The following EXOC4 variants were observed in gnomAD, a reference collection of about 807,000 sequenced individuals.
EXOC4 encodes the protein exocyst complex component 4.
EXOC4 carries 71 observed loss-of-function variants against 107.2 expected under a neutral mutation model. The observed-to-expected ratio is 0.66, with a 90% confidence interval of 0.55 to 0.81. The LOEUF is 0.81. EXOC4 is among the 30% of genes least tolerant of loss of function. The pLI is 0.00. For missense variants in EXOC4, 1,108 were observed against 1,189.6 expected (o/e 0.93, Z 1.01); for synonymous variants, 456 against 441.2 (o/e 1.03, Z -0.42).
intron 13 of EXOC4, among the ~76,000 whole-genome samples, chr7:133,923,900 A>C (rs1202550345): frequency 6.6e-6 from 1 of 152,198 alleles, no homozygotes. Flanking sequence ...ATCTGATATA[A>C]ATGATAAGCT....
At chr7:133,591,567 TGC>T (rs1365937393) in intron 9 of EXOC4, among the ~76,000 whole-genome samples, 243 of 13,096 alleles carry the variant, frequency 0.019, no homozygotes, top group Middle Eastern at 0.071. Flanking sequence ...TGTGTGTGTG[TGC>T]GTGTGTGTGT....
chr7:133,753,781 G>C (rs1795842363), intron 10 of EXOC4, among the ~76,000 whole-genome samples: 1 of 152,184 alleles, frequency 6.6e-6, no homozygotes, highest in East Asian at 1.9e-4. Flanking sequence ...GAGGCTGGAA[G>C]GGTGGGGCGA....
intron 6 of EXOC4, among the ~76,000 whole-genome samples, chr7:133,366,306 A>C (rs1460406132): frequency 6.6e-6 from 1 of 152,112 alleles, no homozygotes; most frequent in Non-Finnish European, 1.5e-5. Context: ...TGAAGATGAG[A>C]TACCTAGGGA....
At chr7:134,079,221 C>T in the EXOC4 span, among the ~76,000 whole-genome samples, 1 of 152,196 alleles carries the variant, frequency 6.6e-6, no homozygotes, top group South Asian at 2.1e-4. Context: ...AGGAAGCACT[C>T]TCTGTCCCTT....
At chr7:134,051,886 T>C (rs1795800228) in intron 17 of EXOC4, among the ~76,000 whole-genome samples, 1 of 151,060 alleles carries the variant, frequency 6.6e-6, no homozygotes. Context: ...CTCAGGAGGC[T>C]CAGGCAGGAG....
intron 9 of EXOC4, among the ~76,000 whole-genome samples, chr7:133,519,086 A>G (rs1411496666): frequency 2.0e-5 from 3 of 152,214 alleles, no homozygotes; most frequent in Non-Finnish European, 2.9e-5. Context: ...AAAGGTAGCT[A>G]AGTAAATATT....
chr7:133,283,415 G>A (rs1004647387), intron 2 of EXOC4, among the ~76,000 whole-genome samples: 3 of 152,174 alleles, frequency 2.0e-5, no homozygotes, highest in African/African-American at 7.2e-5. Flanking sequence ...ATTCCATTGT[G>A]CTTATACCAC....
intron 10 of EXOC4, among the ~76,000 whole-genome samples, chr7:133,642,173 C>G (rs1306901046): frequency 6.6e-6 from 1 of 151,682 alleles, no homozygotes; most frequent in Non-Finnish European, 1.5e-5. Flanking sequence ...TCTTTTTTTT[C>G]CAGCAAATAC....
chr7:134,068,209 T>C (rs1160921370), downstream of EXOC4, among the ~76,000 whole-genome samples: 2 of 152,178 alleles, frequency 1.3e-5, no homozygotes, highest in Non-Finnish European at 2.9e-5. Flanking sequence ...GTTTCTGACC[T>C]ACTTGAGGAA....
the EXOC4 span, among the ~76,000 whole-genome samples, chr7:134,084,112 T>A: frequency 5.8e-4 from 88 of 152,180 alleles, no homozygotes; most frequent in Non-Finnish European, 1.1e-3. Context: ...GGCCGTTTGC[T>A]GTGAAAGAGA....
intron 11 of EXOC4, among the ~76,000 whole-genome samples, chr7:133,847,575 G>A (rs1449782593): frequency 2.0e-5 from 3 of 149,112 alleles, no homozygotes; most frequent in Non-Finnish European, 4.4e-5. Flanking sequence ...AGTAAAGATG[G>A]AGTTTCACCA....
At chr7:133,909,105 T>C (rs562499647) in intron 12 of EXOC4, among the ~76,000 whole-genome samples, 33 of 152,280 alleles carry the variant, frequency 2.2e-4, no homozygotes, top group African/African-American at 7.7e-4. Context: ...CAGAAAGATA[T>C]TTTTATGTCG....
chr7:133,832,199 A>G (rs933807393), intron 11 of EXOC4, among the ~76,000 whole-genome samples: 2 of 152,188 alleles, frequency 1.3e-5, no homozygotes, highest in Non-Finnish European at 2.9e-5. Flanking sequence ...TACTTAGGTC[A>G]GTACCTTTTC....
chr7:133,752,385 G>T (rs995318908), intron 10 of EXOC4, among the ~76,000 whole-genome samples: 7 of 152,164 alleles, frequency 4.6e-5, no homozygotes, highest in African/African-American at 1.7e-4. Flanking sequence ...TGTGAATTTG[G>T]TCAGATCAGT....
At chr7:133,497,453 G>A (rs1799499346) in intron 9 of EXOC4, among the ~76,000 whole-genome samples, 1 of 148,098 alleles carries the variant, frequency 6.8e-6, no homozygotes, top group Non-Finnish European at 1.5e-5. Flanking sequence ...TTGAGACGGA[G>A]TCTTGCTGTG....
chr7:133,488,001 T>C (rs1173900436), intron 9 of EXOC4, among the ~76,000 whole-genome samples: 8 of 152,114 alleles, frequency 5.3e-5, no homozygotes, highest in African/African-American at 1.9e-4. Flanking sequence ...ACCACAAACA[T>C]TTATGGCATA....
chr7:133,943,263 C>A (rs1194567461), intron 14 of EXOC4, among the ~76,000 whole-genome samples: 1 of 152,148 alleles, frequency 6.6e-6, no homozygotes, highest in Non-Finnish European at 1.5e-5. Flanking sequence ...CTACCTAGTT[C>A]TATCAAAACA....
intron 1 of EXOC4, among the ~76,000 whole-genome samples, chr7:133,273,182 A>G (rs553018255): frequency 5.6e-4 from 86 of 152,350 alleles, no homozygotes; most frequent in Non-Finnish European, 1.0e-3. Context: ...AGATTTAAAG[A>G]GCAAAGTTGT....
intron 11 of EXOC4, among the ~76,000 whole-genome samples, chr7:133,883,543 T>C (rs941281288): frequency 6.6e-6 from 1 of 151,658 alleles, no homozygotes; most frequent in African/African-American, 2.4e-5. Flanking sequence ...CTGGAGAGTC[T>C]GAGGTGGGAG....
Sources: allele counts gnomAD v4.1 joint callset (sites outside exome capture counted in the v4.1 genomes callset), GRCh38; gene constraint gnomAD v4.1.1; transcripts MANE v1.5; gene names NCBI Gene and HGNC (gene_info 2026-07-23, HGNC 2026-07-21).